Variants in TUFT1 observed in about 807,000 individuals in gnomAD.
TUFT1 encodes the protein tuftelin.
TUFT1 carries 43 observed loss-of-function variants against 57.8 expected under a neutral mutation model. The observed-to-expected ratio is 0.74, with a 90% CI of 0.58 to 0.96. TUFT1 has a LOEUF of 0.96. TUFT1 is among the 40% of genes least tolerant of loss of function. The probability of loss-of-function intolerance (pLI) is 0.00; values close to 1 mark genes in which losing one functional copy is unlikely to be tolerated. For missense variants in TUFT1, 459 were observed against 489.0 expected, an observed-to-expected ratio of 0.94 and a Z score of 0.58; for synonymous variants, 166 against 176.7, an observed-to-expected ratio of 0.94 and a Z score of 0.48.
At position 151,542,191 on chromosome 1, in the gene TUFT1, T is replaced by TTTTC. The variant is rs568843185; in HGVS notation, c.60+1772_60+1775dup. On this transcript the variant is annotated intron_variant, in intron 1 of 12. Transcript: ENST00000368849. ...ATGAATCATTAACCTCTACTATTTT[T>TTTTC]TTTCTTTCTTCCTTTCTTTTCTTTT... 3.3e-3 allele frequency among the ~76,000 whole-genome samples: 503 copies of TTTTC among 152,204 alleles called. 1 individual carries two copies. Among genetic ancestry groups the TTTTC allele is most frequent in the Middle Eastern group, 0.01 (3 of 294 alleles).
chr1:151,569,688 G>C lies in TUFT1; in HGVS notation c.512G>C (p.Ser171Thr). The change falls in exon 7 of 13, where the codon AGC becomes ACC. Residue 171 changes from serine (S) to threonine (T), a missense_variant. Physicochemically the swap from Ser to Thr is moderately conservative, Grantham distance 58. Coordinates refer to ENST00000368849, the MANE Select transcript of TUFT1 (RefSeq NM_020127.3). ...VDTCINEDVESLRKTVQDLLA... is the reference protein window; with the variant it reads ...VDTCINEDVETLRKTVQDLLA... ...ACCTGTATAAATGAGGATGTTGAGA[G>C]CTTGAGGAAGACGGTGCAGGACTTG... is the stretch of plus-strand genomic sequence containing the variant. 8 of 1,613,998 alleles carry C rather than the reference G, an allele frequency of 5.0e-6. No homozygotes were observed. Among genetic ancestry groups the C allele is most frequent in the Non-Finnish European group, 6.8e-6 (8 of 1,179,930 alleles).
chr1:151,543,334 T>C (rs997609735), intron 1 of TUFT1, among the ~76,000 whole-genome samples: 2 of 142,804 alleles, frequency 1.4e-5, no homozygotes, highest in Non-Finnish European at 3.1e-5. Context: ...TATATGTGTG[T>C]GTGTGTGTGT....
chr1:151,544,504 C>A (rs1220391174), intron 1 of TUFT1, among the ~76,000 whole-genome samples: 1 of 152,188 alleles, frequency 6.6e-6, no homozygotes, highest in East Asian at 1.9e-4. Context: ...ATCATGTTGG[C>A]CAGGCTGGTC....
At chr1:151,559,038 G>A (rs1289441924) in intron 1 of TUFT1, among the ~76,000 whole-genome samples, 1 of 152,134 alleles carries the variant, frequency 6.6e-6, no homozygotes, top group Non-Finnish European at 1.5e-5. Context: ...ACCCACCTTG[G>A]CCTCCTAAAG....
intron 8 of TUFT1, 104 bp from the exon 9 acceptor site, chr1:151,574,807 C>T (rs1666399039): frequency 2.0e-6 from 2 of 977,754 alleles, no homozygotes; most frequent in African/African-American, 1.6e-5. Flanking sequence ...TGGCAGCTGT[C>T]CAGGCCCAGT....
chr1:151,568,774 G>T (rs1666157744), intron 6 of TUFT1, among the ~76,000 whole-genome samples: 1 of 152,208 alleles, frequency 6.6e-6, no homozygotes, highest in Admixed American at 6.5e-5. Context: ...GGTAATATCT[G>T]TTTGGCCTCT....
At chr1:151,572,089 T>C (rs1210114301) in intron 7 of TUFT1, among the ~76,000 whole-genome samples, 2 of 152,098 alleles carry the variant, frequency 1.3e-5, no homozygotes, top group Middle Eastern at 6.3e-3. Context: ...TGGTTCCAGC[T>C]ACTTGGAAGG....
intron 5 of TUFT1, among the ~76,000 whole-genome samples, chr1:151,565,401 A>G (rs1448058862): frequency 6.6e-6 from 1 of 152,268 alleles, no homozygotes; most frequent in African/African-American, 2.4e-5. Context: ...CTCCAGCAGC[A>G]GCCCCTGCCT....
intron 6 of TUFT1, among the ~76,000 whole-genome samples, chr1:151,569,344 A>G (rs1291639450): frequency 6.6e-6 from 1 of 152,192 alleles, no homozygotes; most frequent in Non-Finnish European, 1.5e-5. Flanking sequence ...ATGCACACCT[A>G]CAGACAGCAT....
At chr1:151,560,869 A>G (rs1340716186) in intron 1 of TUFT1, among the ~76,000 whole-genome samples, 2 of 151,766 alleles carry the variant, frequency 1.3e-5, no homozygotes, top group African/African-American at 2.4e-5. Context: ...CCTTCTCTCA[A>G]CGTTATCATC....
intron 1 of TUFT1, among the ~76,000 whole-genome samples, chr1:151,555,859 A>G (rs968876448): frequency 6.6e-6 from 1 of 151,484 alleles, no homozygotes; most frequent in Non-Finnish European, 1.5e-5. Flanking sequence ...CCTTTATTCC[A>G]TTTTTTCCAG....
In TUFT1 at chr1:151,578,716, C is replaced by G. The variant is rs1388119731; in HGVS notation, c.819-5C>G. 1.3e-6 allele frequency: 2 copies of G among 1,554,810 alleles called. No individual in the cohort carries two copies. Among genetic ancestry groups the G allele is most frequent in the South Asian group, 2.4e-5 (2 of 84,514 alleles). ...TTGCCTCAGCCTTCTGGTCTTTATCCCCAGGGCTGCTACCCTGGAAAAGGA... is the reference window on the plus strand; with the variant it reads ...TTGCCTCAGCCTTCTGGTCTTTATCGCCAGGGCTGCTACCCTGGAAAAGGA... On this transcript the variant is annotated splice_region_variant and splice_polypyrimidine_tract_variant and intron_variant, in intron 9 of 12. Coordinates refer to ENST00000368849, the MANE Select transcript of TUFT1 (RefSeq NM_020127.3).
chr1:151,580,854 C>T, intron 11 of TUFT1, 88 bp from the exon 12 acceptor site: 1 of 1,186,674 alleles, frequency 8.4e-7, no homozygotes, highest in Non-Finnish European at 1.2e-6. Context: ...AGCATAAACA[C>T]AGGCAGAGAG....
At chr1:151,547,199 G>T (rs931705276) in intron 1 of TUFT1, among the ~76,000 whole-genome samples, 2 of 152,232 alleles carry the variant, frequency 1.3e-5, no homozygotes, top group South Asian at 4.1e-4. Flanking sequence ...CACCAAGGCT[G>T]CCAGGAATTT....
intron 1 of TUFT1, among the ~76,000 whole-genome samples, chr1:151,549,778 A>G (rs1665451442): frequency 6.6e-6 from 1 of 152,170 alleles, no homozygotes; most frequent in African/African-American, 2.4e-5. Context: ...GTTGGAGTGC[A>G]TGGCACAGTC....
At position 151,581,904 on chromosome 1, in the gene TUFT1, G is replaced by A. The variant is rs1666657577; in HGVS notation, c.*197G>A. The A allele has an allele frequency of 4.7e-6, 3 of 634,928 alleles. No homozygotes were observed. The highest frequency in any genetic ancestry group is 8.5e-6 in the Non-Finnish European group (3 of 353,318). The allele number at this position is 634,928 out of a possible 1,614,324, so 39.3% of individuals were successfully genotyped here. ...AGACGGAGCACGAGCACCTATTCAAGGCACTGCAGCCCTTTGGAAGACATT... is the reference window on the plus strand; with the variant it reads ...AGACGGAGCACGAGCACCTATTCAAAGCACTGCAGCCCTTTGGAAGACATT... On this transcript the variant is annotated 3_prime_UTR_variant, in exon 13 of 13. Transcript: ENST00000368849.
At chr1:151,565,944 T>G in intron 5 of TUFT1, 1 of 456,304 alleles carries the variant, frequency 2.2e-6, no homozygotes, top group Non-Finnish European at 4.0e-6. Context: ...ACGCTAGAAA[T>G]CTTTTCTTCT....
At position 151,574,369 on chromosome 1, in the gene TUFT1, C is replaced by G. The variant is rs752593823; in HGVS notation, c.694C>G (p.Leu232Val). 5 of 1,614,034 alleles carry G rather than the reference C, an allele frequency of 3.1e-6. No homozygotes were observed. Among genetic ancestry groups the G allele is most frequent in the Non-Finnish European group, 4.2e-6 (5 of 1,180,032 alleles). The change falls in exon 8 of 13, where the codon CTG becomes GTG. Residue 232 changes from leucine (L) to valine (V), a missense_variant. Coordinates refer to ENST00000368849, the MANE Select transcript of TUFT1 (RefSeq NM_020127.3). The stretch of plus-strand genomic sequence containing the variant: ...GCAGAAAGAGGCAGAAGTCGGAGAG[C>G]TGCAGAGGCGCTTGCTAGGGATGGA... ...VEQKEAEVGE[L>V]QRRLLGMETE...
At position 151,569,721 on chromosome 1, in the gene TUFT1, A is replaced by G. The variant is rs2102547003; in HGVS notation, c.545A>G (p.Lys182Arg). 6.2e-7 allele frequency: 1 copy of G among 1,614,116 alleles called. No homozygotes were observed. Among genetic ancestry groups the G allele is most frequent in the Non-Finnish European group, 8.5e-7 (1 of 1,179,978 alleles). Residue 182 changes from lysine (K) to arginine (R), a missense_variant, in exon 7 of 13, where the codon AAG becomes AGG. Transcript: ENST00000368849. ...AAGACGGTGCAGGACTTGCTGGCCA[A>G]GCTTCAGGAGGCCAAGCGGCAACAC... ...LRKTVQDLLA[K>R]LQEAKRQHQS...
Sources: allele counts gnomAD v4.1 joint callset (sites outside exome capture counted in the v4.1 genomes callset), GRCh38; gene constraint gnomAD v4.1.1; transcripts MANE v1.5; gene names NCBI Gene and HGNC (gene_info 2026-07-23, HGNC 2026-07-21).